Variants in TMOD1 observed in about 807,000 individuals in gnomAD.
The protein encoded by TMOD1 is tropomodulin-1.
TMOD1 carries 17 observed loss-of-function variants against 40.6 expected under a neutral mutation model. The ratio of observed to expected loss-of-function variants is 0.42; its 90% confidence interval spans 0.29 to 0.63. The LOEUF is 0.63. TMOD1 is among the 20% of genes least tolerant of loss of function. The probability of loss-of-function intolerance (pLI) is 0.22; values close to 1 mark genes in which losing one functional copy is unlikely to be tolerated. For missense variants in TMOD1, 391 were observed against 447.6 expected (o/e 0.87, Z 1.14); for synonymous variants, 181 against 175.0 (o/e 1.03, Z -0.27).
At chr9:97,578,704 G>T (rs1825674261) in intron 8 of TMOD1, among the ~76,000 whole-genome samples, 1 of 152,190 alleles carries the variant, frequency 6.6e-6, no homozygotes, top group Non-Finnish European at 1.5e-5. Context: ...GCTCCTGCCT[G>T]CCCTGCTCAC....
At chr9:97,522,634 T>A (rs1829935228) in intron 1 of TMOD1, among the ~76,000 whole-genome samples, 1 of 152,108 alleles carries the variant, frequency 6.6e-6, no homozygotes, top group African/African-American at 2.4e-5. Flanking sequence ...GGAACATGGC[T>A]CACTGCAGCC....
At position 97,564,169 on chromosome 9, in the gene TMOD1, G is replaced by A. The variant is rs111762283; in HGVS notation, c.618+1G>A. The A allele has an allele frequency of 6.3e-7, 1 of 1,590,630 alleles. No individual in the cohort carries two copies. The highest frequency in any genetic ancestry group is 1.1e-5 in the South Asian group (1 of 87,994). ...AGAAGTTAACCTCAATAATATCCGGGTAAGGTCCATTTATTTCACTTTACC... is the reference window on the plus strand; with the variant it reads ...AGAAGTTAACCTCAATAATATCCGGATAAGGTCCATTTATTTCACTTTACC... On this transcript the variant is annotated splice_donor_variant, in intron 6 of 9. Coordinates refer to ENST00000259365, the MANE Select transcript of TMOD1 (RefSeq NM_003275.4). LOFTEE classifies it high-confidence loss of function.
chr9:97,593,695 T>G (rs753816237), intron 9 of TMOD1, among the ~76,000 whole-genome samples: 18 of 151,946 alleles, frequency 1.2e-4, no homozygotes, highest in Non-Finnish European at 2.2e-4. Flanking sequence ...AGGAAATGAT[T>G]TATTGAGACA....
intron 1 of TMOD1, among the ~76,000 whole-genome samples, chr9:97,510,300 G>A (rs1051369432): frequency 1.3e-5 from 2 of 151,664 alleles, no homozygotes; most frequent in African/African-American, 2.4e-5. Context: ...ACACAGTCTC[G>A]GCTCACTGCA....
At chr9:97,539,110 C>T (rs1163367440) in intron 2 of TMOD1, among the ~76,000 whole-genome samples, 3 of 152,204 alleles carry the variant, frequency 2.0e-5, no homozygotes, top group Admixed American at 2.0e-4. Context: ...CTCTCATCTC[C>T]CTGGTTACTC....
chr9:97,559,121 C>T (rs138427155), intron 4 of TMOD1, among the ~76,000 whole-genome samples: 42 of 152,272 alleles, frequency 2.8e-4, no homozygotes, highest in African/African-American at 7.9e-4. Context: ...ATATGATCCC[C>T]GCAAAACCTG....
intron 7 of TMOD1, among the ~76,000 whole-genome samples, chr9:97,566,221 G>T (rs1307065357): frequency 6.6e-6 from 1 of 152,120 alleles, no homozygotes; most frequent in African/African-American, 2.4e-5. Flanking sequence ...TCTAGGGTTC[G>T]GAGAGGTCAG....
chr9:97,600,894 T>G lies in TMOD1; in HGVS notation c.*1196T>G. On this transcript the variant is annotated 3_prime_UTR_variant, in exon 10 of 10. Coordinates refer to ENST00000259365, the MANE Select transcript of TMOD1 (RefSeq NM_003275.4). ...CCTTGTGCCTTTTAATATACCACAG[T>G]GCCAGTTAAACTAATATTTTTGTTT... is the stretch of plus-strand genomic sequence containing the variant. The G allele has an allele frequency of 8.7e-7, 1 of 1,153,198 alleles. No individual in the cohort carries two copies. Among genetic ancestry groups the G allele is most frequent in the Non-Finnish European group, 1.1e-6 (1 of 919,424 alleles). 71.4% of individuals were successfully genotyped at this position (1,153,198 alleles called of 1,614,324 possible).
chr9:97,597,742 GCA>G (rs139450043), intron 9 of TMOD1, among the ~76,000 whole-genome samples: 4 of 148,626 alleles, frequency 2.7e-5, no homozygotes, highest in Admixed American at 6.7e-5. Context: ...GGGGAACCAT[GCA>G]CACACACACA....
At chr9:97,507,357 T>G (rs1829606019) in intron 1 of TMOD1, among the ~76,000 whole-genome samples, 1 of 152,182 alleles carries the variant, frequency 6.6e-6, no homozygotes, top group African/African-American at 2.4e-5. Context: ...TCAGAATGGA[T>G]AGCAACATTG....
rs1442561579 is a variant in TMOD1 at position 97,600,707 on chromosome 9, C to A, written c.*1009C>A. Reference sequence around the variant, plus strand: ...TGTATATTAAGCCTCCGCAGGATGCCGGACAATGGTGAAGAAACTCCAGAT... The same window carrying A: ...TGTATATTAAGCCTCCGCAGGATGCAGGACAATGGTGAAGAAACTCCAGAT... On this transcript the variant is annotated 3_prime_UTR_variant, in exon 10 of 10. Coordinates refer to ENST00000259365, the MANE Select transcript of TMOD1 (RefSeq NM_003275.4). 1.0e-6 allele frequency: 1 copy of A among 1,003,920 alleles called. No individual in the cohort carries two copies. The highest frequency in any genetic ancestry group is 1.2e-6 in the Non-Finnish European group (1 of 841,264). The allele number at this position is 1,003,920 out of a possible 1,614,324, so 62.2% of individuals were successfully genotyped here.
chr9:97,584,217 T>C (rs1251760051), intron 8 of TMOD1, among the ~76,000 whole-genome samples: 5 of 152,236 alleles, frequency 3.3e-5, no homozygotes, highest in Non-Finnish European at 5.9e-5. Context: ...GTTCTCGTTG[T>C]TTCAAAGAAC....
At chr9:97,576,636 T>G (rs1287751390) in intron 8 of TMOD1, among the ~76,000 whole-genome samples, 1 of 151,670 alleles carries the variant, frequency 6.6e-6, no homozygotes, top group African/African-American at 2.4e-5. Context: ...TTACTTTTTT[T>G]TTTTTTTCTT....
At chr9:97,549,974 C>A (rs923501509) in intron 3 of TMOD1, among the ~76,000 whole-genome samples, 6 of 152,188 alleles carry the variant, frequency 3.9e-5, no homozygotes, top group Non-Finnish European at 5.9e-5. Context: ...TGTGCAACCA[C>A]CACCTCTATC....
chr9:97,514,105 AGGCT>A (rs1829757891), intron 1 of TMOD1, among the ~76,000 whole-genome samples: 1 of 151,654 alleles, frequency 6.6e-6, no homozygotes, highest in Non-Finnish European at 1.5e-5. Flanking sequence ...TCTGTTGTCC[AGGCT>A]GGAGCACAGC....
chr9:97,540,746 G>A (rs1342027023), intron 2 of TMOD1, among the ~76,000 whole-genome samples: 3 of 152,054 alleles, frequency 2.0e-5, no homozygotes, highest in Admixed American at 6.6e-5. Flanking sequence ...AATTGTATGG[G>A]TATACCACAT....
intron 4 of TMOD1, among the ~76,000 whole-genome samples, chr9:97,561,586 G>A (rs114801663): frequency 0.02 from 3,100 of 152,312 alleles, 109 homozygotes; most frequent in African/African-American, 0.069. Context: ...CTCAGTGAGA[G>A]GGGTGGTGTT....
intron 1 of TMOD1, among the ~76,000 whole-genome samples, chr9:97,507,931 C>T (rs768734086): frequency 1.3e-5 from 2 of 152,092 alleles, no homozygotes; most frequent in African/African-American, 2.4e-5. Context: ...AGGCGGACTC[C>T]GGATCAGTCT....
chr9:97,593,376 G>C (rs1175249189), intron 9 of TMOD1, among the ~76,000 whole-genome samples: 1 of 152,146 alleles, frequency 6.6e-6, no homozygotes, highest in African/African-American at 2.4e-5. Context: ...AGAGGCCATT[G>C]TAAGAATGTA....
Sources: gnomAD v4.1 joint callset for allele counts (sites outside exome capture counted in the v4.1 genomes callset) on GRCh38, gnomAD v4.1.1 for gene constraint, MANE v1.5 for transcripts, NCBI Gene and HGNC (gene_info 2026-07-23, HGNC 2026-07-21) for gene names.